The following MYZAP variants were observed in gnomAD, a reference collection of about 807,000 sequenced individuals.
MYZAP encodes myocardial zonula adherens protein.
A neutral mutation model predicts 69.4 loss-of-function variants in MYZAP; 66 were observed. The observed-to-expected ratio is 0.95, with a 90% confidence interval of 0.78 to 1.17. The LOEUF is 1.17. Among genes scored for constraint, MYZAP ranks in the 50% most tolerant of loss-of-function variants. MYZAP has a pLI of 0.00. For synonymous variants in MYZAP, 256 were observed against 205.9 expected (o/e 1.24, Z -2.09); for missense variants, 611 against 556.2 (o/e 1.10, Z -0.99).
intron 10 of MYZAP, among the ~76,000 whole-genome samples, chr15:57,660,764 A>G (rs1430454760): frequency 6.6e-6 from 1 of 152,204 alleles, no homozygotes; most frequent in Non-Finnish European, 1.5e-5. Flanking sequence ...TCCTGCCTTC[A>G]GGGAAGCTAT....
chr15:57,646,372 C>G (rs1466145903), intron 10 of MYZAP: 2 of 1,174,198 alleles, frequency 1.7e-6, no homozygotes, highest in African/African-American at 3.2e-5. Flanking sequence ...TGTGAAAACA[C>G]CCACATACTG....
chr15:57,632,468 T>A lies in MYZAP; in HGVS notation c.713T>A (p.Met238Lys). The A allele has an allele frequency of 1.2e-6, 2 of 1,614,154 alleles. No homozygotes were observed. Among genetic ancestry groups the A allele is most frequent in the African/African-American group, 2.7e-5 (2 of 75,036 alleles). Residue 238 changes from methionine (M) to lysine (K), a missense_variant, in exon 7 of 13, where the codon ATG (methionine) becomes AAG (lysine). Coordinates refer to ENST00000267853, the MANE Select transcript of MYZAP (RefSeq NM_001018100.5). ...TCCCAAGAAGCCAATGCTGAGGTGA[T>A]GCGAGAGATGACCAAGAAGCTGTAC... ...ESSQEANAEV[M>K]REMTKKLYSQ...
intron 2 of MYZAP, among the ~76,000 whole-genome samples, chr15:57,609,960 G>C (rs1432950176): frequency 6.6e-6 from 1 of 152,144 alleles, no homozygotes; most frequent in Non-Finnish European, 1.5e-5. Flanking sequence ...CACACACACA[G>C]ACAGAACCCA....
chr15:57,652,233 G>A (rs907828400), intron 10 of MYZAP, among the ~76,000 whole-genome samples: 3 of 151,752 alleles, frequency 2.0e-5, no homozygotes, highest in South Asian at 2.1e-4. Context: ...TTTCAGTTTC[G>A]TTTTGTTGTG....
chr15:57,644,697 C>A (rs1022927404), intron 10 of MYZAP, among the ~76,000 whole-genome samples: 3 of 152,142 alleles, frequency 2.0e-5, no homozygotes, highest in African/African-American at 7.2e-5. Context: ...AACTCCTGGC[C>A]TCTAGCAATC....
Position 57,633,436 on chromosome 15 carries a change from A to C in MYZAP, c.805-177A>C, listed in dbSNP as rs73424709. On this transcript the variant is annotated intron_variant, in intron 7 of 12. Transcript: ENST00000267853. The stretch of plus-strand genomic sequence containing the variant: ...TTAACCAGCCACATGATGTATCTTT[A>C]TTCATAGGTGAGAACCAGAACCGTG... 5.7e-3 allele frequency among the ~76,000 whole-genome samples: 865 copies of C among 152,310 alleles called. 13 individuals are homozygous for C. The highest frequency in any genetic ancestry group is 0.02 in the African/African-American group (825 of 41,558).
chr15:57,641,126 G>T (rs536019509), intron 10 of MYZAP, among the ~76,000 whole-genome samples: 136 of 152,260 alleles, frequency 8.9e-4, no homozygotes, highest in African/African-American at 3.2e-3. Flanking sequence ...CTCACCACAG[G>T]GGGGTGTCTG....
At chr15:57,598,826 C>T (rs1005657624) in intron 1 of MYZAP, among the ~76,000 whole-genome samples, 9 of 152,190 alleles carry the variant, frequency 5.9e-5, no homozygotes, top group Admixed American at 3.9e-4. Flanking sequence ...CAGACTAGAA[C>T]GCCTTGCCTG....
At chr15:57,651,684 G>A (rs2037735182) in intron 10 of MYZAP, among the ~76,000 whole-genome samples, 1 of 152,040 alleles carries the variant, frequency 6.6e-6, no homozygotes, top group African/African-American at 2.4e-5. Flanking sequence ...TGAAAGTCTT[G>A]GCACCTCAGT....
At chr15:57,622,363 A>G (rs1485256813) in intron 4 of MYZAP, among the ~76,000 whole-genome samples, 3 of 152,194 alleles carry the variant, frequency 2.0e-5, no homozygotes, top group African/African-American at 7.2e-5. Flanking sequence ...CCATTTTAAT[A>G]TGACCCAATA....
At chr15:57,624,539 T>C (rs1179286418) in intron 4 of MYZAP, among the ~76,000 whole-genome samples, 1 of 152,234 alleles carries the variant, frequency 6.6e-6, no homozygotes, top group East Asian at 1.9e-4. Flanking sequence ...CACCTGCTTA[T>C]GGAAAGTCAT....
intron 12 of MYZAP, among the ~76,000 whole-genome samples, chr15:57,675,588 A>G (rs2039077822): frequency 6.6e-6 from 1 of 152,180 alleles, no homozygotes. Flanking sequence ...CAAGCACTGG[A>G]TCCAGTTCAT....
chr15:57,643,287 A>C (rs2037264764), intron 10 of MYZAP, among the ~76,000 whole-genome samples: 1 of 152,214 alleles, frequency 6.6e-6, no homozygotes, highest in Non-Finnish European at 1.5e-5. Context: ...AGTCAAGCAG[A>C]CATGGGCCGT....
intron 10 of MYZAP, among the ~76,000 whole-genome samples, chr15:57,654,418 T>C (rs943161081): frequency 6.6e-6 from 1 of 152,168 alleles, no homozygotes; most frequent in South Asian, 2.1e-4. Context: ...CAAAGTGATG[T>C]GCACCTTTTA....
intron 10 of MYZAP, among the ~76,000 whole-genome samples, chr15:57,653,825 C>G (rs575718189): frequency 6.6e-6 from 1 of 151,586 alleles, no homozygotes; most frequent in East Asian, 1.9e-4. Context: ...AGTAACATAG[C>G]GAGACCCTGT....
At chr15:57,663,344 GTC>G (rs758769629) in intron 11 of MYZAP, among the ~76,000 whole-genome samples, 1 of 152,170 alleles carries the variant, frequency 6.6e-6, no homozygotes, top group South Asian at 2.1e-4. Flanking sequence ...TTAAACTCAT[GTC>G]TCACCTTAGT....
chr15:57,622,738 A>G (rs887767874), intron 4 of MYZAP, among the ~76,000 whole-genome samples: 12 of 152,220 alleles, frequency 7.9e-5, no homozygotes, highest in Non-Finnish European at 1.6e-4. Flanking sequence ...GTGAAAAATA[A>G]AACCCAAAAG....
rs1030767895 is a variant in MYZAP, at chr15:57,630,409, G to C, written c.678+555G>C. Among the ~76,000 whole-genome samples the C allele has an allele frequency of 5.9e-5, 9 of 152,316 alleles. No individual in the cohort carries two copies. In the East Asian group the frequency reaches 1.2e-3, roughly 20 times the overall value. On this transcript the variant is annotated intron_variant, in intron 6 of 12. Transcript: ENST00000267853. ...CTTGGGATGCCCACAGATCTGGGAC[G>C]TCAGAAGCCTTGGAGATCTCTTCCT... is the stretch of plus-strand genomic sequence containing the variant.
intron 11 of MYZAP, among the ~76,000 whole-genome samples, chr15:57,665,579 C>A (rs1428215909): frequency 6.6e-6 from 1 of 152,184 alleles, no homozygotes; most frequent in Non-Finnish European, 1.5e-5. Context: ...TAGTCCAGTT[C>A]CTAGCTGTTC....
Sources: gnomAD v4.1 joint callset for allele counts (sites outside exome capture counted in the v4.1 genomes callset) on GRCh38, gnomAD v4.1.1 for gene constraint, MANE v1.5 for transcripts, NCBI Gene and HGNC (gene_info 2026-07-23, HGNC 2026-07-21) for gene names.